Variants in GBE1 observed in about 807,000 individuals in gnomAD.
The protein encoded by GBE1 is 1,4-alpha-glucan-branching enzyme.
A neutral mutation model predicts 88.8 loss-of-function variants in GBE1; 70 were observed. That is an observed-to-expected ratio of 0.79 (90% CI 0.65 to 0.96). The LOEUF is 0.96. GBE1 is among the 40% of genes least tolerant of loss of function. The pLI is 0.00. For synonymous variants in GBE1, 284 were observed against 300.1 expected (o/e 0.95, Z 0.56); for missense variants, 872 against 871.0 (o/e 1.00, Z -0.01).
At chr3:81,631,518 C>G (rs1704507736) in intron 7 of GBE1, among the ~76,000 whole-genome samples, 1 of 151,548 alleles carries the variant, frequency 6.6e-6, no homozygotes, top group African/African-American at 2.4e-5. Flanking sequence ...GGGCAGATCA[C>G]AAGGTCAGGA....
chr3:81,644,547 C>A (rs1386117182), intron 6 of GBE1, among the ~76,000 whole-genome samples: 1 of 152,134 alleles, frequency 6.6e-6, no homozygotes, highest in African/African-American at 2.4e-5. Flanking sequence ...GCAAGAAGCA[C>A]ATCAAGTGAG....
At chr3:81,590,919 G>T in intron 9 of GBE1, 118 bp downstream of exon 9, 1 of 815,350 alleles carries the variant, frequency 1.2e-6, no homozygotes, top group Non-Finnish European at 1.8e-6. Context: ...CTATACTCAG[G>T]GTAGAATTTC....
chr3:81,745,448 A>G (rs1008717680), intron 1 of GBE1, among the ~76,000 whole-genome samples: 2 of 152,154 alleles, frequency 1.3e-5, no homozygotes, highest in Admixed American at 6.5e-5. Flanking sequence ...GGGAAACAGC[A>G]GCATCAGCAT....
At chr3:81,598,729 C>T (rs1351213173) in intron 7 of GBE1, among the ~76,000 whole-genome samples, 1 of 151,196 alleles carries the variant, frequency 6.6e-6, no homozygotes, top group Non-Finnish European at 1.5e-5. Context: ...TATATAGAGG[C>T]TATTGTATAT....
chr3:81,509,730 G>T (rs1702700588), intron 14 of GBE1: 1 of 151,620 alleles, frequency 6.6e-6, no homozygotes, highest in Non-Finnish European at 1.5e-5. Flanking sequence ...TACTACTTTG[G>T]TCATCAAAGA....
At chr3:81,514,835 A>G (rs574916214) in intron 14 of GBE1, among the ~76,000 whole-genome samples, 3 of 151,754 alleles carry the variant, frequency 2.0e-5, no homozygotes, top group Non-Finnish European at 4.4e-5. Flanking sequence ...CACGAATAAT[A>G]TCTCACGTAG....
chr3:81,725,568 G>T (rs1706099652), intron 1 of GBE1, among the ~76,000 whole-genome samples: 1 of 152,090 alleles, frequency 6.6e-6, no homozygotes, highest in Admixed American at 6.6e-5. Flanking sequence ...ACAATTTAAA[G>T]TATAGTATAA....
At chr3:81,603,760 T>C (rs954955798) in intron 7 of GBE1, among the ~76,000 whole-genome samples, 3 of 152,134 alleles carry the variant, frequency 2.0e-5, no homozygotes, top group African/African-American at 7.2e-5. Flanking sequence ...CCTCCCAAAG[T>C]GCTGGGATTA....
intron 14 of GBE1, among the ~76,000 whole-genome samples, chr3:81,517,002 G>C (rs565795577): frequency 4.6e-5 from 7 of 151,692 alleles, no homozygotes; most frequent in African/African-American, 1.7e-4. Flanking sequence ...AAATGATTTG[G>C]AATATAATAT....
intron 1 of GBE1, among the ~76,000 whole-genome samples, chr3:81,737,759 T>G (rs1706289375): frequency 6.6e-6 from 1 of 152,014 alleles, no homozygotes; most frequent in South Asian, 2.1e-4. Flanking sequence ...TTTATTTTTG[T>G]TTATTATTAT....
At chr3:81,710,449 T>C (rs1021329105) in intron 1 of GBE1, among the ~76,000 whole-genome samples, 1 of 151,438 alleles carries the variant, frequency 6.6e-6, no homozygotes, top group East Asian at 1.9e-4. Flanking sequence ...ATAATTATAT[T>C]TAATTAATTT....
chr3:81,547,625 TTCTCTCTCTCTCTCTCTCTCTC>T (rs56681369), intron 12 of GBE1, among the ~76,000 whole-genome samples: 2 of 138,384 alleles, frequency 1.4e-5, no homozygotes, highest in African/African-American at 5.3e-5. Flanking sequence ...GGTTCGTTTG[TTCTCTCTCTCTCTCTCTCTCTC>T]TCTCTCTCTC....
rs564440088 is a variant in GBE1, at chr3:81,574,195, T to C, written c.1618+3730A>G. On this transcript the variant is annotated intron_variant, in intron 12 of 15. Transcript: ENST00000429644. ...TGAAATAATCTTTTATTTTAAACAA[T>C]GTACTATCAGACAACATTCTAAAAA... Among the ~76,000 whole-genome samples the C allele has an allele frequency of 2.0e-5, 3 of 152,294 alleles. No homozygotes were observed. The East Asian group carries it at 5.8e-4, about 29-fold the overall frequency.
At chr3:81,751,101 C>T (rs1575778242) in intron 1 of GBE1, among the ~76,000 whole-genome samples, 1 of 152,054 alleles carries the variant, frequency 6.6e-6, no homozygotes, top group South Asian at 2.1e-4. Context: ...TGTATACCCC[C>T]GGCCCTCCGC....
chr3:81,536,627 C>T lies in GBE1; in HGVS notation c.1803+284G>A, dbSNP rs978772870. 5.3e-5 allele frequency among the ~76,000 whole-genome samples: 8 copies of T among 151,938 alleles called. No homozygotes were observed. The East Asian group carries it at 1.4e-3, about 26-fold the overall frequency. On this transcript the variant is annotated intron_variant, in intron 13 of 15. Transcript: ENST00000429644. Reference sequence around the variant, plus strand: ...AGCAATTTCCAAAATGGGTTCCCTGCAGAGCTTTTATTGTTTATTTTAACC... The same window carrying T: ...AGCAATTTCCAAAATGGGTTCCCTGTAGAGCTTTTATTGTTTATTTTAACC...
intron 6 of GBE1, among the ~76,000 whole-genome samples, chr3:81,645,051 T>G (rs560265481): frequency 1.2e-4 from 18 of 152,272 alleles, no homozygotes; most frequent in African/African-American, 3.4e-4. Flanking sequence ...CACATGAAGT[T>G]TGATATATGT....
chr3:81,542,412 G>C (rs1703154705), intron 12 of GBE1, among the ~76,000 whole-genome samples: 1 of 152,024 alleles, frequency 6.6e-6, no homozygotes, highest in African/African-American at 2.4e-5. Context: ...GTAAACAGCA[G>C]ATATTCTAGG....
At chr3:81,633,328 T>C (rs1331248940) in intron 7 of GBE1, among the ~76,000 whole-genome samples, 2 of 152,150 alleles carry the variant, frequency 1.3e-5, no homozygotes, top group African/African-American at 4.8e-5. Context: ...ACTATAATCT[T>C]ATTAGTATTT....
At chr3:81,588,546 C>T (rs1414506477) in intron 9 of GBE1, among the ~76,000 whole-genome samples, 1 of 152,058 alleles carries the variant, frequency 6.6e-6, no homozygotes. Flanking sequence ...GAAACCCAAA[C>T]ATCCCATAGA....
Sources: gnomAD v4.1 joint callset for allele counts (sites outside exome capture counted in the v4.1 genomes callset) on GRCh38, gnomAD v4.1.1 for gene constraint, MANE v1.5 for transcripts, NCBI Gene and HGNC (gene_info 2026-07-23, HGNC 2026-07-21) for gene names.